ERBB4: variants seen among roughly 807,000 people sequenced by gnomAD.
The protein encoded by ERBB4 is receptor tyrosine-protein kinase erbB-4.
ERBB4 carries 42 observed loss-of-function variants against 158.0 expected under a neutral mutation model. The ratio of observed to expected loss-of-function variants is 0.27; its 90% CI spans 0.21 to 0.34. The LOEUF (loss-of-function observed/expected upper bound fraction) is 0.34. ERBB4 is among the 10% of genes least tolerant of loss of function. ERBB4 has a pLI of 1.00. For synonymous variants in ERBB4, 583 were observed against 558.7 expected (o/e 1.04, Z -0.61); for missense variants, 1,333 against 1,624.1 (o/e 0.82, Z 3.08).
At chr2:212,288,029 C>A (rs552357596) in intron 1 of ERBB4, among the ~76,000 whole-genome samples, 1 of 152,002 alleles carries the variant, frequency 6.6e-6, no homozygotes, top group African/African-American at 2.4e-5. Context: ...GTGTAACAAA[C>A]CTACACTTGT....
chr2:211,611,024 T>C (rs1559346691), intron 19 of ERBB4, among the ~76,000 whole-genome samples: 1 of 152,096 alleles, frequency 6.6e-6, no homozygotes. Flanking sequence ...TAAGGCAGTA[T>C]TTAAAGCTCA....
intron 1 of ERBB4, among the ~76,000 whole-genome samples, chr2:212,381,069 T>C (rs2090487746): frequency 6.6e-6 from 1 of 151,424 alleles, no homozygotes; most frequent in Non-Finnish European, 1.5e-5. Flanking sequence ...CATAGTTAAA[T>C]GTCTTCCCAC....
chr2:211,453,507 G>T (rs1271145105), intron 20 of ERBB4, among the ~76,000 whole-genome samples: 1 of 152,104 alleles, frequency 6.6e-6, no homozygotes, highest in East Asian at 1.9e-4. Flanking sequence ...AAGAGGAAGA[G>T]AGAAAGGAAA....
At chr2:212,387,907 A>G (rs1202026697) in intron 1 of ERBB4, among the ~76,000 whole-genome samples, 1 of 152,154 alleles carries the variant, frequency 6.6e-6, no homozygotes, top group African/African-American at 2.4e-5. Flanking sequence ...TATTCAGAGC[A>G]TTGTATAATT....
chr2:211,605,464 T>A (rs996059662), intron 19 of ERBB4, among the ~76,000 whole-genome samples: 2 of 152,122 alleles, frequency 1.3e-5, no homozygotes, highest in Admixed American at 1.3e-4. Context: ...ACATATGCCC[T>A]GCTGCAGTCC....
chr2:211,765,072 G>T (rs1486558042), intron 4 of ERBB4, among the ~76,000 whole-genome samples: 1 of 152,084 alleles, frequency 6.6e-6, no homozygotes, highest in Non-Finnish European at 1.5e-5. Flanking sequence ...ATGGAAAAAG[G>T]TGCCCCTCCC....
At chr2:212,509,811 TAC>T (rs773814428) in intron 1 of ERBB4, among the ~76,000 whole-genome samples, 37 of 151,918 alleles carry the variant, frequency 2.4e-4, no homozygotes, top group African/African-American at 8.7e-4. Context: ...CTGTTGAACT[TAC>T]AGTCAGTTAG....
intron 1 of ERBB4, among the ~76,000 whole-genome samples, chr2:212,503,096 C>T (rs1235888140): frequency 6.6e-6 from 1 of 152,182 alleles, no homozygotes; most frequent in African/African-American, 2.4e-5. Context: ...CCAGGCTATA[C>T]TGAGAATCTG....
At chr2:211,887,479 T>A (rs977803672) in intron 3 of ERBB4, among the ~76,000 whole-genome samples, 2 of 152,190 alleles carry the variant, frequency 1.3e-5, no homozygotes, top group Admixed American at 6.5e-5. Context: ...TCCTCAAAAA[T>A]TCAACTAGAT....
At chr2:212,007,665 A>G (rs1291616624) in intron 2 of ERBB4, among the ~76,000 whole-genome samples, 1 of 151,914 alleles carries the variant, frequency 6.6e-6, no homozygotes, top group Non-Finnish European at 1.5e-5. Context: ...CTCCAAATTC[A>G]TAACTTATAT....
Position 211,938,419 on chromosome 2 carries a change from A to G in ERBB4, c.421+9011T>C, listed in dbSNP as rs377105380. 8.7e-4 allele frequency among the ~76,000 whole-genome samples: 132 copies of G among 152,200 alleles called. 3 individuals are homozygous for G. In the South Asian group the frequency reaches 0.024, roughly 28 times the overall value. On this transcript the variant is annotated intron_variant, in intron 3 of 27. Transcript: ENST00000342788. ...CTTGCCTGCTGGATTGGATTTAGTAAAAGTCTGGTCCCTTTAGTGCTGCAC... is the reference window on the plus strand; with the variant it reads ...CTTGCCTGCTGGATTGGATTTAGTAGAAGTCTGGTCCCTTTAGTGCTGCAC...
intron 1 of ERBB4, among the ~76,000 whole-genome samples, chr2:212,492,245 G>A (rs1252177515): frequency 6.6e-6 from 1 of 151,332 alleles, no homozygotes; most frequent in South Asian, 2.1e-4. Flanking sequence ...AATATCTAAC[G>A]AAGAGCAACA....
At chr2:211,815,640 T>C (rs1240478182) in intron 3 of ERBB4, among the ~76,000 whole-genome samples, 1 of 152,174 alleles carries the variant, frequency 6.6e-6, no homozygotes. Flanking sequence ...TAGTTAATAT[T>C]AGATGTCAAC....
At chr2:211,841,497 T>C (rs1272336024) in intron 3 of ERBB4, among the ~76,000 whole-genome samples, 3 of 151,994 alleles carry the variant, frequency 2.0e-5, no homozygotes, top group African/African-American at 7.2e-5. Context: ...TTTGAAATAT[T>C]AAAGTTAGTG....
chr2:212,347,152 A>G (rs559891592), intron 1 of ERBB4, among the ~76,000 whole-genome samples: 119 of 152,252 alleles, frequency 7.8e-4, no homozygotes, highest in African/African-American at 2.7e-3. Flanking sequence ...CCTCATGGAA[A>G]TAATAACACA....
chr2:212,334,237 T>C (rs2088322275), intron 1 of ERBB4, among the ~76,000 whole-genome samples: 1 of 152,052 alleles, frequency 6.6e-6, no homozygotes, highest in African/African-American at 2.4e-5. Flanking sequence ...CTTCCTCCAC[T>C]ATTTTCCTTT....
intron 3 of ERBB4, among the ~76,000 whole-genome samples, chr2:211,905,736 ATGTGTGTG>A (rs201095879): frequency 1.1e-5 from 1 of 90,184 alleles, no homozygotes; most frequent in African/African-American, 3.9e-5. Flanking sequence ...ATGTGTGTGC[ATGTGTGTG>A]TATATATATA....
chr2:212,269,264 T>C (rs1451002065), intron 1 of ERBB4, among the ~76,000 whole-genome samples: 2 of 151,842 alleles, frequency 1.3e-5, no homozygotes, highest in Non-Finnish European at 2.9e-5. Flanking sequence ...TTAATGCCAT[T>C]TACTCACATC....
intron 2 of ERBB4, among the ~76,000 whole-genome samples, chr2:211,999,904 G>C (rs1299459360): frequency 6.6e-6 from 1 of 151,488 alleles, no homozygotes; most frequent in Non-Finnish European, 1.5e-5. Context: ...CTAAAAAAAA[G>C]TCTTTTAATT....
Sources: gnomAD v4.1 joint callset for allele counts (sites outside exome capture counted in the v4.1 genomes callset) on GRCh38, gnomAD v4.1.1 for gene constraint, MANE v1.5 for transcripts, NCBI Gene and HGNC (gene_info 2026-07-23, HGNC 2026-07-21) for gene names.